Variants in PKP2 observed in about 807,000 individuals in gnomAD.
The protein encoded by PKP2 is plakophilin 2, also known as plakophilin-2.
Under a neutral mutation model 83.4 loss-of-function variants are expected in PKP2, and 73 were observed. That is an observed-to-expected ratio of 0.88 (90% CI 0.72 to 1.06). The LOEUF is 1.06. PKP2 is among the 50% of genes least tolerant of loss of function. The pLI, the probability that PKP2 is intolerant of heterozygous loss-of-function variation, is 0.00. For synonymous variants in PKP2, 409 were observed against 430.4 expected, an observed-to-expected ratio of 0.95 and a Z score of 0.62; for missense variants, 966 against 1,065.4, an observed-to-expected ratio of 0.91 and a Z score of 1.30.
chr12:32,808,549 T>C (rs565263528), intron 9 of PKP2, among the ~76,000 whole-genome samples: 2 of 152,344 alleles, frequency 1.3e-5, no homozygotes, highest in African/African-American at 2.4e-5. Flanking sequence ...CTCAGCCTCA[T>C]CGCAGTTCCG....
intron 4 of PKP2, among the ~76,000 whole-genome samples, chr12:32,861,167 C>G (rs569773332): frequency 7.9e-5 from 12 of 152,144 alleles, no homozygotes; most frequent in African/African-American, 2.9e-4. Flanking sequence ...TTCACAATGC[C>G]TAGGAGCCAA....
chr12:32,823,809 T>C (rs1956406100), intron 7 of PKP2, among the ~76,000 whole-genome samples: 1 of 151,978 alleles, frequency 6.6e-6, no homozygotes, highest in Non-Finnish European at 1.5e-5. Context: ...CACCATGTTA[T>C]CCAGGATGGT....
intron 1 of PKP2, among the ~76,000 whole-genome samples, chr12:32,890,952 C>CAAAAA (rs56900611): frequency 3.8e-4 from 26 of 68,976 alleles, no homozygotes; most frequent in Admixed American, 5.0e-4. Flanking sequence ...AAGAGCGAAA[C>CAAAAA]AAAAAAAAAA....
At chr12:32,839,654 GAGTTTA>G (rs1269268252) in intron 6 of PKP2, among the ~76,000 whole-genome samples, 1 of 152,102 alleles carries the variant, frequency 6.6e-6, no homozygotes, top group East Asian at 1.9e-4. Flanking sequence ...TTGTTTCAGT[GAGTTTA>G]AGTTCGGTTC....
intron 3 of PKP2, among the ~76,000 whole-genome samples, chr12:32,874,503 T>TG (rs1956917718): frequency 6.6e-6 from 1 of 152,194 alleles, no homozygotes; most frequent in South Asian, 2.1e-4. Flanking sequence ...CTCTAGAATT[T>TG]GGGGAAATCT....
intron 1 of PKP2, among the ~76,000 whole-genome samples, chr12:32,892,353 G>A (rs1039806446): frequency 7.0e-6 from 1 of 142,664 alleles, no homozygotes; most frequent in Non-Finnish European, 1.5e-5. Context: ...TCACTCCATC[G>A]CCCAGGCTGG....
intron 5 of PKP2, among the ~76,000 whole-genome samples, chr12:32,850,251 A>G (rs1462457414): frequency 6.6e-6 from 1 of 152,208 alleles, no homozygotes; most frequent in Non-Finnish European, 1.5e-5. Context: ...TCCCCTTTAG[A>G]AAAAAGGAAT....
At chr12:32,812,995 G>T (rs1421229292) in intron 9 of PKP2, among the ~76,000 whole-genome samples, 1 of 152,138 alleles carries the variant, frequency 6.6e-6, no homozygotes, top group Non-Finnish European at 1.5e-5. Context: ...CTGAAGAAGA[G>T]AATTTTATTT....
intron 2 of PKP2, 109 bp from the exon 3 acceptor site, chr12:32,878,652 G>A (rs746700880): frequency 7.3e-6 from 7 of 952,702 alleles, no homozygotes; most frequent in East Asian, 2.4e-5. Flanking sequence ...CTCTGAATCA[G>A]ATGACGAGAA....
intron 4 of PKP2, among the ~76,000 whole-genome samples, chr12:32,867,200 C>T (rs1043533869): frequency 4.6e-5 from 7 of 152,090 alleles, no homozygotes; most frequent in African/African-American, 1.4e-4. Flanking sequence ...TGGTTGTGTG[C>T]GCCTATGGTC....
At chr12:32,828,007 G>A (rs1956458900) in intron 6 of PKP2, among the ~76,000 whole-genome samples, 1 of 152,224 alleles carries the variant, frequency 6.6e-6, no homozygotes, top group African/African-American at 2.4e-5. Flanking sequence ...AGTAGAGTGA[G>A]GAAGGAGACA....
chr12:32,858,320 C>T lies in PKP2; in HGVS notation c.1171-7347G>A, dbSNP rs540033672. ...CCCTGTCTCAAACAAACAAACAAAA[C>T]GCCCCAAAAAACCAGGAATAAAAAA... is the stretch of plus-strand genomic sequence containing the variant. On this transcript the variant is annotated intron_variant, in intron 4 of 12. Coordinates refer to ENST00000340811, the MANE Select transcript of PKP2 (RefSeq NM_001005242.3). Among the ~76,000 whole-genome samples, 28 of 149,830 alleles carry T rather than the reference C, an allele frequency of 1.9e-4. 1 individual carries two copies. The South Asian group carries it at 5.1e-3, about 27-fold the overall frequency.
intron 6 of PKP2, among the ~76,000 whole-genome samples, chr12:32,828,802 G>A (rs768229959): frequency 1.3e-5 from 2 of 152,186 alleles, no homozygotes; most frequent in Non-Finnish European, 2.9e-5. Flanking sequence ...AGCTGAAGGA[G>A]ATGGTTAAAG....
chr12:32,821,578 C>T, intron 8 of PKP2, 49 bp from the exon 9 acceptor site: 2 of 1,576,758 alleles, frequency 1.3e-6, no homozygotes, highest in Non-Finnish European at 1.7e-6. Flanking sequence ...CAGGTGATGG[C>T]TATAATTTCA....
intron 5 of PKP2, among the ~76,000 whole-genome samples, chr12:32,848,389 C>T (rs1956667509): frequency 6.6e-6 from 1 of 152,126 alleles, no homozygotes; most frequent in African/African-American, 2.4e-5. Context: ...CATGCCACTG[C>T]ACTCCAGCCT....
Position 32,802,491 on chromosome 12 carries a change from C to T in PKP2, c.2079G>A (p.Met693Ile), listed in dbSNP as rs769476045. Reference protein sequence around the residue: ...KESGLQHTRKMLHVGDPSVKK... With the variant: ...KESGLQHTRKILHVGDPSVKK... ...TCACACTTGGGTCACCAACATGCAG[C>T]ATCTTTCGGGTGTGCTGCAGGCCAC... Residue 693 changes from methionine to isoleucine, a missense_variant, in exon 10 of 13, where the codon ATG becomes ATA. Met to Ile is a conservative substitution (Grantham distance 10). Transcript: ENST00000340811. 1.9e-6 allele frequency: 3 copies of T among 1,614,090 alleles called. No individual in the cohort carries two copies. The highest frequency in any genetic ancestry group is 2.5e-6 in the Non-Finnish European group (3 of 1,179,956).
chr12:32,890,952 C>CAAAAAAAAA (rs56900611), intron 1 of PKP2, among the ~76,000 whole-genome samples: 1 of 70,292 alleles, frequency 1.4e-5, no homozygotes. Context: ...AAGAGCGAAA[C>CAAAAAAAAA]AAAAAAAAAA....
At chr12:32,836,608 A>G (rs1565585439) in intron 6 of PKP2, among the ~76,000 whole-genome samples, 2 of 152,250 alleles carry the variant, frequency 1.3e-5, no homozygotes, top group Non-Finnish European at 2.9e-5. Context: ...AATTTACTAT[A>G]GTAATCTAAA....
At chr12:32,847,810 CA>C (rs1211893393) in intron 5 of PKP2, among the ~76,000 whole-genome samples, 1 of 151,994 alleles carries the variant, frequency 6.6e-6, no homozygotes, top group Non-Finnish European at 1.5e-5. Flanking sequence ...GATGGAGAAA[CA>C]AAATCCAACG....
Sources: gnomAD v4.1 joint callset for allele counts (sites outside exome capture counted in the v4.1 genomes callset) on GRCh38, gnomAD v4.1.1 for gene constraint, MANE v1.5 for transcripts, NCBI Gene and HGNC (gene_info 2026-07-23, HGNC 2026-07-21) for gene names.